The following SCAPER variants were observed in gnomAD, a reference collection of about 807,000 sequenced individuals.
The protein encoded by SCAPER is S phase cyclin A-associated protein in the endoplasmic reticulum.
A neutral mutation model predicts 182.2 loss-of-function variants in SCAPER; 98 were observed. That is an observed-to-expected ratio of 0.54 (90% confidence interval 0.46 to 0.64). The LOEUF (loss-of-function observed/expected upper bound fraction) is 0.64. Ranked by LOEUF, SCAPER falls within the 30% of genes least tolerant of loss-of-function variation. The pLI is 0.00. For missense variants in SCAPER, 1,432 were observed against 1,690.0 expected (o/e 0.85, Z 2.68); for synonymous variants, 605 against 564.6 (o/e 1.07, Z -1.01).
intron 23 of SCAPER, among the ~76,000 whole-genome samples, chr15:76,554,375 A>G (rs942535146): frequency 6.6e-6 from 1 of 152,226 alleles, no homozygotes; most frequent in Non-Finnish European, 1.5e-5. Context: ...CTTGAAAGAG[A>G]GGGAGAGAAA....
chr15:76,573,262 T>C (rs188051659), intron 23 of SCAPER, among the ~76,000 whole-genome samples: 7 of 152,322 alleles, frequency 4.6e-5, no homozygotes, highest in East Asian at 3.9e-4. Flanking sequence ...AAGGATCATA[T>C]TGGGAAACAC....
intron 19 of SCAPER, among the ~76,000 whole-genome samples, chr15:76,702,091 AGGCGGAGGTT>A (rs913327703): frequency 6.6e-6 from 1 of 152,078 alleles, no homozygotes; most frequent in Non-Finnish European, 1.5e-5. Context: ...GGAACCTGGG[AGGCGGAGGTT>A]GCAGTGAGCT....
At chr15:76,804,409 C>T (rs1195126566) in intron 6 of SCAPER, 124 bp downstream of exon 6, 3 of 577,196 alleles carry the variant, frequency 5.2e-6, no homozygotes, top group Non-Finnish European at 9.0e-6. Context: ...ATGAGAAATG[C>T]AGCACCTGAC....
chr15:76,353,870 A>G, intron 30 of SCAPER, 79 bp downstream of exon 30: 1 of 1,289,850 alleles, frequency 7.8e-7, no homozygotes. Context: ...GGCAAAAATA[A>G]ACAGCTGGCT....
At chr15:76,692,183 T>C (rs2058398006) in intron 20 of SCAPER, among the ~76,000 whole-genome samples, 1 of 152,186 alleles carries the variant, frequency 6.6e-6, no homozygotes, top group Non-Finnish European at 1.5e-5. Flanking sequence ...TTTGTAAATG[T>C]TCCTTATACC....
intron 20 of SCAPER, among the ~76,000 whole-genome samples, chr15:76,672,642 A>G (rs2057106561): frequency 6.6e-6 from 1 of 152,208 alleles, no homozygotes; most frequent in Non-Finnish European, 1.5e-5. Flanking sequence ...TGTAAATAAA[A>G]AGGATACAAT....
intron 23 of SCAPER, among the ~76,000 whole-genome samples, chr15:76,512,676 C>T (rs935615956): frequency 3.3e-5 from 5 of 151,882 alleles, no homozygotes; most frequent in African/African-American, 1.2e-4. Context: ...CCAAAAAACC[C>T]TCAAAGCCTT....
chr15:76,778,892 A>C (rs1180903238), intron 8 of SCAPER, among the ~76,000 whole-genome samples: 2 of 152,066 alleles, frequency 1.3e-5, no homozygotes, highest in Non-Finnish European at 2.9e-5. Flanking sequence ...GGTAGGCTGA[A>C]AGTAAAAGAA....
intron 23 of SCAPER, among the ~76,000 whole-genome samples, chr15:76,550,014 G>A (rs1356143252): frequency 1.3e-5 from 2 of 152,044 alleles, no homozygotes; most frequent in African/African-American, 2.4e-5. Context: ...TAGAGGAAGT[G>A]GCAACCTAGA....
chr15:76,695,399 C>T (rs1218791344), intron 20 of SCAPER, among the ~76,000 whole-genome samples: 4 of 151,908 alleles, frequency 2.6e-5, no homozygotes, highest in African/African-American at 9.7e-5. Flanking sequence ...AGTTCGAGAC[C>T]AGCCTGGCTG....
chr15:76,813,611 G>C (rs1166229189), intron 5 of SCAPER, among the ~76,000 whole-genome samples: 1 of 152,148 alleles, frequency 6.6e-6, no homozygotes, highest in Non-Finnish European at 1.5e-5. Context: ...TAAATGAAAA[G>C]TAGCAGGATA....
chr15:76,413,874 T>C (rs2045472706), intron 26 of SCAPER, among the ~76,000 whole-genome samples: 1 of 152,184 alleles, frequency 6.6e-6, no homozygotes, highest in South Asian at 2.1e-4. Context: ...ATGAGGTCCC[T>C]TGTCTCTGAC....
chr15:76,533,493 T>C (rs1393329482), intron 23 of SCAPER, among the ~76,000 whole-genome samples: 2 of 152,094 alleles, frequency 1.3e-5, no homozygotes, highest in Non-Finnish European at 1.5e-5. Context: ...GAGTATACCA[T>C]ATAGCCTATG....
intron 14 of SCAPER, among the ~76,000 whole-genome samples, chr15:76,760,539 A>G (rs369380753): frequency 1.6e-4 from 24 of 152,312 alleles, no homozygotes; most frequent in East Asian, 5.8e-4. Context: ...TTACAGAGGC[A>G]TGATCTATTA....
intron 14 of SCAPER, among the ~76,000 whole-genome samples, chr15:76,762,030 T>C (rs1231397433): frequency 1.3e-5 from 2 of 152,248 alleles, no homozygotes; most frequent in Non-Finnish European, 2.9e-5. Flanking sequence ...CATTATTTAA[T>C]GGCCTTCTTC....
rs80146456 is a variant in SCAPER at position 76,710,656 on chromosome 15, T to G, written c.2166-4672A>C. On this transcript the variant is annotated intron_variant, in intron 17 of 31. Coordinates refer to ENST00000563290, the MANE Select transcript of SCAPER (RefSeq NM_020843.4). ...GATCTAAACAGAGAGAAACATCATA[T>G]TCATGGATTGTAATATAAAATATTG... is the stretch of plus-strand genomic sequence containing the variant. Among the ~76,000 whole-genome samples the G allele has an allele frequency of 3.5e-3, 538 of 152,226 alleles. 3 individuals are homozygous for G. Among genetic ancestry groups the G allele is most frequent in the South Asian group, 7.7e-3 (37 of 4,822 alleles).
chr15:76,667,625 C>CAAAAAAAAAAAAAAAAAAAAAAAAA lies in SCAPER; in HGVS notation c.2509-1861_2509-1837dup, dbSNP rs775463270. 1.5e-4 allele frequency among the ~76,000 whole-genome samples: 4 copies of CAAAAAAAAAAAAAAAAAAAAAAAAA among 27,454 alleles called. 1 individual carries two copies. The highest frequency in any genetic ancestry group is 2.6e-4 in the Non-Finnish European group (4 of 15,338). The allele number at this position is 27,454 out of a possible 152,430, so 18.0% of individuals were successfully genotyped here. A position where few individuals can be genotyped will look rare whatever the true frequency, so the allele number is the denominator to read the frequency against. ...GGGCAACAAGAGCGAGACTCAGTCT[C>CAAAAAAAAAAAAAAAAAAAAAAAAA]AAAAAAAAAAAAAAAAAAAAAAAAA... On this transcript the variant is annotated intron_variant, in intron 20 of 31. Coordinates refer to ENST00000563290, the MANE Select transcript of SCAPER (RefSeq NM_020843.4).
At chr15:76,575,145 G>C (rs184951383) in intron 22 of SCAPER, among the ~76,000 whole-genome samples, 14 of 152,262 alleles carry the variant, frequency 9.2e-5, no homozygotes, top group Admixed American at 9.2e-4. Flanking sequence ...CTATGGGCTA[G>C]GCACCATTCT....
intron 17 of SCAPER, among the ~76,000 whole-genome samples, chr15:76,707,102 A>G (rs1463390288): frequency 2.6e-5 from 4 of 152,060 alleles, no homozygotes; most frequent in Non-Finnish European, 5.9e-5. Context: ...GAATATAGTA[A>G]GTCGATGAAT....
Sources: allele counts gnomAD v4.1 joint callset (sites outside exome capture counted in the v4.1 genomes callset), GRCh38; gene constraint gnomAD v4.1.1; transcripts MANE v1.5; gene names NCBI Gene and HGNC (gene_info 2026-07-23, HGNC 2026-07-21).